Variants in WSCD2 observed in about 807,000 individuals in gnomAD.
WSCD2 encodes sialate:O-sulfotransferase 2.
WSCD2 carries 28 observed loss-of-function variants against 55.7 expected under a neutral mutation model. The observed-to-expected ratio is 0.50, with a 90% CI of 0.37 to 0.69. WSCD2 has a LOEUF of 0.69. WSCD2 is among the 30% of genes least tolerant of loss of function. The pLI is 0.00. For missense variants in WSCD2, 616 were observed against 762.1 expected, an observed-to-expected ratio of 0.81 and a Z score of 2.26; for synonymous variants, 301 against 301.9, an observed-to-expected ratio of 1.00 and a Z score of 0.03.
intron 2 of WSCD2, among the ~76,000 whole-genome samples, chr12:108,199,741 AG>A (rs1884423038): frequency 6.6e-6 from 1 of 152,216 alleles, no homozygotes; most frequent in African/African-American, 2.4e-5. Flanking sequence ...TCCATCTTAC[AG>A]GAGGGAAAGT....
At position 108,249,477 on chromosome 12, in the gene WSCD2, AG is replaced by A. The variant is rs1031128156; in HGVS notation, c.*1136del. 28 of 152,468 alleles carry A rather than the reference AG, an allele frequency of 1.8e-4. No homozygotes were observed. The highest frequency in any genetic ancestry group is 6.8e-4 in the African/African-American group (28 of 41,442). 9.4% of individuals were successfully genotyped at this position (152,468 alleles called of 1,614,324 possible). A position where few individuals can be genotyped will look rare whatever the true frequency, so the allele number is the denominator to read the frequency against. On this transcript the variant is annotated 3_prime_UTR_variant, in exon 9 of 9. Coordinates refer to ENST00000547525, the MANE Select transcript of WSCD2 (RefSeq NM_014653.4). ...GAAATGCCAAACCGAAGGATTTCTGAGGACCTAAATCACGGAGCATCAATCT... is the reference window on the plus strand; with the variant it reads ...GAAATGCCAAACCGAAGGATTTCTGAGACCTAAATCACGGAGCATCAATCT...
chr12:108,249,063 A>G lies in WSCD2; in HGVS notation c.*720A>G, dbSNP rs959502028. 4 of 346,422 alleles carry G rather than the reference A, an allele frequency of 1.2e-5. No homozygotes were observed. Among genetic ancestry groups the G allele is most frequent in the South Asian group, 2.3e-4 (2 of 8,652 alleles). 21.5% of individuals were successfully genotyped at this position (346,422 alleles called of 1,614,324 possible). On this transcript the variant is annotated 3_prime_UTR_variant, in exon 9 of 9. Coordinates refer to ENST00000547525, the MANE Select transcript of WSCD2 (RefSeq NM_014653.4). ...GCATGAACCCTGCCCCTTTCTATCC[A>G]TGCTGTGTCCAGGAGGTGACCTTGA...
chr12:108,183,077 C>T (rs565297992), intron 1 of WSCD2, among the ~76,000 whole-genome samples: 2 of 152,304 alleles, frequency 1.3e-5, no homozygotes, highest in Admixed American at 1.3e-4. Context: ...CTATCAACCA[C>T]CCTACAATGC....
At chr12:108,174,983 G>A (rs1880637153) in intron 1 of WSCD2, among the ~76,000 whole-genome samples, 1 of 152,182 alleles carries the variant, frequency 6.6e-6, no homozygotes, top group South Asian at 2.1e-4. Flanking sequence ...GGACACAGAG[G>A]TGAGGAAGAC....
intron 1 of WSCD2, among the ~76,000 whole-genome samples, chr12:108,141,458 C>G (rs1030987870): frequency 6.6e-6 from 1 of 152,126 alleles, no homozygotes; most frequent in Non-Finnish European, 1.5e-5. Context: ...TAAAATGGGT[C>G]AGCAGGGCTG....
intron 4 of WSCD2, among the ~76,000 whole-genome samples, chr12:108,214,656 C>G (rs775739853): frequency 1.3e-5 from 2 of 152,188 alleles, no homozygotes; most frequent in African/African-American, 4.8e-5. Flanking sequence ...TTCATCAGAA[C>G]GGGGCTCCTG....
At chr12:108,228,017 A>C (rs373837603) in intron 6 of WSCD2, among the ~76,000 whole-genome samples, 1 of 143,398 alleles carries the variant, frequency 7.0e-6, no homozygotes, top group African/African-American at 2.5e-5. Flanking sequence ...TCAACTCTCT[A>C]TGAGTTGGGA....
intron 1 of WSCD2, among the ~76,000 whole-genome samples, chr12:108,138,541 A>G (rs923110388): frequency 2.6e-5 from 4 of 152,190 alleles, no homozygotes; most frequent in African/African-American, 9.6e-5. Flanking sequence ...CAGGGATTCA[A>G]TGAGATCATG....
chr12:108,235,928 C>A (rs536178802), intron 7 of WSCD2, among the ~76,000 whole-genome samples: 1 of 152,318 alleles, frequency 6.6e-6, no homozygotes, highest in East Asian at 1.9e-4. Context: ...ATCAGTCAAT[C>A]TAGCTAACCC....
chr12:108,232,655 A>T lies in WSCD2; in HGVS notation c.980-76A>T, dbSNP rs1004951432. The T allele has an allele frequency of 2.8e-6, 4 of 1,421,688 alleles. No homozygotes were observed. The African/African-American group carries it at 4.3e-5, about 15-fold the overall frequency. 88.1% of individuals were successfully genotyped at this position (1,421,688 alleles called of 1,614,324 possible). A position where few individuals can be genotyped will look rare whatever the true frequency, so the allele number is the denominator to read the frequency against. Reference sequence around the variant, plus strand: ...CTGGCTGAGAAGTGGCAGGGGTGTGACTCATACCCTGGCCCTTTCAGACAG... The same window carrying T: ...CTGGCTGAGAAGTGGCAGGGGTGTGTCTCATACCCTGGCCCTTTCAGACAG... On this transcript the variant is annotated intron_variant, in intron 6 of 8. Coordinates refer to ENST00000547525, the MANE Select transcript of WSCD2 (RefSeq NM_014653.4).
chr12:108,175,076 T>C (rs1433189614), intron 1 of WSCD2, among the ~76,000 whole-genome samples: 1 of 152,200 alleles, frequency 6.6e-6, no homozygotes, highest in Non-Finnish European at 1.5e-5. Context: ...CAGCTTTCTT[T>C]TTATAAGCAC....
At chr12:108,205,015 T>TG (rs1248983174) in intron 2 of WSCD2, among the ~76,000 whole-genome samples, 1 of 152,250 alleles carries the variant, frequency 6.6e-6, no homozygotes, top group African/African-American at 2.4e-5. Flanking sequence ...GTTACTGATT[T>TG]GGGGGTCTCA....
At chr12:108,163,395 A>G (rs550712478) in intron 1 of WSCD2, among the ~76,000 whole-genome samples, 3 of 152,226 alleles carry the variant, frequency 2.0e-5, no homozygotes, top group African/African-American at 7.2e-5. Context: ...AAAATTAAAA[A>G]AGAAAGAAAA....
chr12:108,172,561 A>G (rs754503362), intron 1 of WSCD2, among the ~76,000 whole-genome samples: 19 of 152,184 alleles, frequency 1.2e-4, no homozygotes, highest in Non-Finnish European at 1.6e-4. Context: ...GTCCTTACTA[A>G]AGAAAACAGA....
rs17040286 is a variant in WSCD2, at chr12:108,188,629, A to T, written c.-551-6653A>T. Among the ~76,000 whole-genome samples, 179 of 152,294 alleles carry T rather than the reference A, an allele frequency of 1.2e-3. 2 individuals are homozygous for T. In the East Asian group the frequency reaches 0.031, roughly 26 times the overall value. ...TGTTTCATTAAGTCTTTCACTTGCC[A>T]AATGGCTGGTCCACCACCAAGAAGG... On this transcript the variant is annotated intron_variant, in intron 1 of 8. Coordinates refer to ENST00000547525, the MANE Select transcript of WSCD2 (RefSeq NM_014653.4).
Position 108,206,269 on chromosome 12 carries a change from A to G in WSCD2, c.383-20A>G, listed in dbSNP as rs1191585351. 6.2e-6 allele frequency: 10 copies of G among 1,609,236 alleles called. No homozygotes were observed. Among genetic ancestry groups the G allele is most frequent in the Non-Finnish European group, 8.5e-6 (10 of 1,175,636 alleles). On this transcript the variant is annotated intron_variant, in intron 2 of 8. Coordinates refer to ENST00000547525, the MANE Select transcript of WSCD2 (RefSeq NM_014653.4). ...GCAGCTTTGTCCCCAGCCACCTTTG[A>G]CGTTTTCCTTTCCCCAAAGCCAAGT...
At chr12:108,240,660 G>A in intron 8 of WSCD2, 116 bp downstream of exon 8, 1 of 1,221,360 alleles carries the variant, frequency 8.2e-7, no homozygotes, top group Non-Finnish European at 1.1e-6. Flanking sequence ...CTCATGCGAG[G>A]AACCCTGGAG....
At chr12:108,220,865 C>T (rs1675311442) in intron 4 of WSCD2, among the ~76,000 whole-genome samples, 1 of 152,074 alleles carries the variant, frequency 6.6e-6, no homozygotes, top group African/African-American at 2.4e-5. Flanking sequence ...AGCATCTATT[C>T]ATAATAGTAT....
intron 4 of WSCD2, among the ~76,000 whole-genome samples, chr12:108,218,307 CAG>C (rs1490745146): frequency 1.3e-4 from 20 of 150,858 alleles, no homozygotes; most frequent in Admixed American, 6.0e-4. Flanking sequence ...AGAGGAGAAA[CAG>C]AGTCGGGATT....
Sources: gnomAD v4.1 joint callset for allele counts (sites outside exome capture counted in the v4.1 genomes callset) on GRCh38, gnomAD v4.1.1 for gene constraint, MANE v1.5 for transcripts, NCBI Gene and HGNC (gene_info 2026-07-23, HGNC 2026-07-21) for gene names.